MTUS2: variants seen among roughly 807,000 people sequenced by gnomAD.
MTUS2 encodes the protein microtubule associated scaffold protein 2.
Under a neutral mutation model 114.1 loss-of-function variants are expected in MTUS2, and 40 were observed. The observed-to-expected ratio is 0.35, with a 90% CI of 0.27 to 0.46. MTUS2 has a LOEUF of 0.46. MTUS2 is among the 20% of genes least tolerant of loss of function. The pLI is 1.00. For missense variants in MTUS2, 1,679 were observed against 1,705.4 expected, an observed-to-expected ratio of 0.98 and a Z score of 0.27; for synonymous variants, 688 against 672.0, an observed-to-expected ratio of 1.02 and a Z score of -0.37.
At chr13:29,062,214 G>A (rs1888453313) in intron 4 of MTUS2, among the ~76,000 whole-genome samples, 1 of 152,124 alleles carries the variant, frequency 6.6e-6, no homozygotes, top group South Asian at 2.1e-4. Flanking sequence ...TTGAACTCCT[G>A]AATTCAAGAG....
chr13:29,159,207 A>G (rs920239015), intron 5 of MTUS2, among the ~76,000 whole-genome samples: 19 of 152,248 alleles, frequency 1.2e-4, no homozygotes, highest in African/African-American at 4.3e-4. Context: ...ATACAGATCT[A>G]TAAATATAAA....
chr13:29,099,849 C>T (rs1890335194), intron 4 of MTUS2, among the ~76,000 whole-genome samples: 1 of 152,136 alleles, frequency 6.6e-6, no homozygotes, highest in African/African-American at 2.4e-5. Flanking sequence ...TGGTGCTGAG[C>T]GCCTTCTCAT....
chr13:29,202,517 A>G (rs1296526485), intron 5 of MTUS2, among the ~76,000 whole-genome samples: 2 of 152,102 alleles, frequency 1.3e-5, no homozygotes, highest in Non-Finnish European at 2.9e-5. Flanking sequence ...TTGGTTTGTC[A>G]AACTCGTTCT....
At chr13:28,903,314 C>T (rs2137969004) in intron 2 of MTUS2, among the ~76,000 whole-genome samples, 1 of 151,638 alleles carries the variant, frequency 6.6e-6, no homozygotes, top group South Asian at 2.1e-4. Flanking sequence ...GCACAATGTG[C>T]AGGTTTGTTA....
intron 2 of MTUS2, among the ~76,000 whole-genome samples, chr13:28,932,665 G>A (rs1435658132): frequency 1.3e-5 from 2 of 152,130 alleles, no homozygotes; most frequent in Admixed American, 6.5e-5. Flanking sequence ...GTGCAGCCTG[G>A]ACCAGCTGAG....
At chr13:28,977,001 C>T (rs965139290) in intron 2 of MTUS2, among the ~76,000 whole-genome samples, 1 of 152,026 alleles carries the variant, frequency 6.6e-6, no homozygotes, top group Admixed American at 6.6e-5. Flanking sequence ...TATACCCTTC[C>T]CCCCTTTGAG....
intron 4 of MTUS2, among the ~76,000 whole-genome samples, chr13:29,068,882 T>G (rs1231997125): frequency 6.6e-6 from 1 of 152,164 alleles, no homozygotes; most frequent in African/African-American, 2.4e-5. Flanking sequence ...AGCAAGATGG[T>G]GCCATTGTAG....
At chr13:29,372,817 A>T (rs1871304060) in intron 8 of MTUS2, among the ~76,000 whole-genome samples, 1 of 152,216 alleles carries the variant, frequency 6.6e-6, no homozygotes, top group African/African-American at 2.4e-5. Context: ...TAAGCAAGGG[A>T]TCCGAAAGAT....
intron 5 of MTUS2, among the ~76,000 whole-genome samples, chr13:29,179,504 G>T (rs778967702): frequency 6.6e-6 from 1 of 152,162 alleles, no homozygotes; most frequent in African/African-American, 2.4e-5. Flanking sequence ...CTAAAAGAAA[G>T]AAAGGGATGG....
At chr13:29,082,289 C>T (rs1011687296) in intron 4 of MTUS2, among the ~76,000 whole-genome samples, 1 of 152,196 alleles carries the variant, frequency 6.6e-6, no homozygotes, top group African/African-American at 2.4e-5. Context: ...GTTGTTTAAG[C>T]CACCCAGTCT....
intron 2 of MTUS2, among the ~76,000 whole-genome samples, chr13:28,878,296 C>G (rs1264431495): frequency 6.6e-6 from 1 of 151,682 alleles, no homozygotes; most frequent in African/African-American, 2.4e-5. Context: ...TGTGTGTACA[C>G]ACACACACAT....
At chr13:29,091,182 G>C (rs995923721) in intron 4 of MTUS2, among the ~76,000 whole-genome samples, 1 of 151,978 alleles carries the variant, frequency 6.6e-6, no homozygotes, top group Non-Finnish European at 1.5e-5. Flanking sequence ...AATAGGTTCT[G>C]TCTCTCTAGG....
At chr13:29,233,244 A>G (rs1347164126) in intron 5 of MTUS2, among the ~76,000 whole-genome samples, 1 of 151,360 alleles carries the variant, frequency 6.6e-6, no homozygotes, top group Non-Finnish European at 1.5e-5. Context: ...AAAAAAAAAA[A>G]AGTTTGGGGT....
At position 28,955,056 on chromosome 13, in the gene MTUS2, G is replaced by A. The variant is rs144443676; in HGVS notation, c.-242-69401G>A. On this transcript the variant is annotated intron_variant, in intron 2 of 15. Coordinates refer to ENST00000612955, the MANE Select transcript of MTUS2 (RefSeq NM_001033602.4). ...CTTACAGGTAAGAAAACTGAGTAACGAGACCAGTTTTCACTGGGTTATGTT... is the reference window on the plus strand; with the variant it reads ...CTTACAGGTAAGAAAACTGAGTAACAAGACCAGTTTTCACTGGGTTATGTT... Among the ~76,000 whole-genome samples, 605 of 152,286 alleles carry A rather than the reference G, an allele frequency of 4.0e-3. 1 individual carries two copies. Among genetic ancestry groups the A allele is most frequent in the Non-Finnish European group, 6.0e-3 (407 of 68,020 alleles).
chr13:29,158,358 C>CCCCCCCTCTCT, intron 5 of MTUS2, among the ~76,000 whole-genome samples: 1 of 32,050 alleles, frequency 3.1e-5, no homozygotes, highest in Non-Finnish European at 5.1e-5. Flanking sequence ...GTCCACCCCG[C>CCCCCCCTCTCT]TTTTTTTTTT....
At chr13:29,027,038 T>G in intron 3 of MTUS2, 135 bp downstream of exon 3, 1 of 967,862 alleles carries the variant, frequency 1.0e-6, no homozygotes, top group Non-Finnish European at 1.5e-6. Flanking sequence ...TGTGAAGAAA[T>G]GGAGTTTTTG....
intron 8 of MTUS2, among the ~76,000 whole-genome samples, chr13:29,389,522 T>TGC: frequency 9.0e-5 from 3 of 33,246 alleles, no homozygotes; most frequent in African/African-American, 1.3e-4. Flanking sequence ...TGTGTATGTG[T>TGC]ATATATGTAT....
At chr13:29,466,750 G>T (rs1879915736) in intron 9 of MTUS2, among the ~76,000 whole-genome samples, 1 of 151,742 alleles carries the variant, frequency 6.6e-6, no homozygotes. Flanking sequence ...GGTGGTGCGT[G>T]TCTATAGTCC....
chr13:28,994,418 G>C (rs1040477135), intron 2 of MTUS2, among the ~76,000 whole-genome samples: 18 of 152,312 alleles, frequency 1.2e-4, no homozygotes, highest in African/African-American at 3.9e-4. Context: ...TATATACCCA[G>C]TAATGGGATG....
Sources: gnomAD v4.1 joint callset for allele counts (sites outside exome capture counted in the v4.1 genomes callset) on GRCh38, gnomAD v4.1.1 for gene constraint, MANE v1.5 for transcripts, NCBI Gene and HGNC (gene_info 2026-07-23, HGNC 2026-07-21) for gene names.